MYT1L: variants seen among roughly 807,000 people sequenced by gnomAD.
The protein encoded by MYT1L is myelin transcription factor 1-like protein.
Under a neutral mutation model 126.7 loss-of-function variants are expected in MYT1L, and 12 were observed. That is an observed-to-expected ratio of 0.09 (90% CI 0.06 to 0.15). The LOEUF is 0.15. Ranked by LOEUF, MYT1L falls within the 10% of genes least tolerant of loss-of-function variation. The pLI is 1.00. For missense variants in MYT1L, 979 were observed against 1,585.2 expected (o/e 0.62, Z 6.49); for synonymous variants, 541 against 604.2 (o/e 0.90, Z 1.53).
chr2:1,818,425 T>G (rs1368527282), intron 21 of MYT1L, among the ~76,000 whole-genome samples: 1 of 152,242 alleles, frequency 6.6e-6, no homozygotes, highest in Admixed American at 6.5e-5. Context: ...TTATTTATTT[T>G]ACTATTCCCT....
chr2:1,912,130 G>C lies in MYT1L; in HGVS notation c.1619-20C>G, dbSNP rs2052099684. 6.5e-7 allele frequency: 1 copy of C among 1,541,362 alleles called. No homozygotes were observed. Among genetic ancestry groups the C allele is most frequent in the Non-Finnish European group, 8.9e-7 (1 of 1,127,308 alleles). On this transcript the variant is annotated intron_variant, in intron 11 of 24. Transcript: ENST00000647738. The surrounding 1 kb of genome is among the most constrained non-coding windows in gnomAD (Gnocchi z 4.3). ...CAAGGACTTGACAGGGAGAGGCAAA[G>C]AGAACAGCCAGTGTTAAAACAGAGG... is the stretch of plus-strand genomic sequence containing the variant.
intron 2 of MYT1L, among the ~76,000 whole-genome samples, chr2:2,240,777 C>T (rs886286327): frequency 3.3e-5 from 5 of 152,348 alleles, no homozygotes; most frequent in Admixed American, 6.5e-5. Context: ...TCCCCGCCAG[C>T]CCCGCGTGCC....
intron 1 of MYT1L, chr2:2,319,452 C>T (rs930935179): frequency 2.0e-5 from 3 of 152,126 alleles, no homozygotes; most frequent in Non-Finnish European, 4.4e-5. Flanking sequence ...ACTTAGAAAC[C>T]ATGATGGATG....
At chr2:2,111,734 T>C (rs1451873438) in intron 3 of MYT1L, among the ~76,000 whole-genome samples, 1 of 152,204 alleles carries the variant, frequency 6.6e-6, no homozygotes, top group Non-Finnish European at 1.5e-5. Context: ...TGTGTGTGAA[T>C]ATTTTCTCTT....
intron 3 of MYT1L, among the ~76,000 whole-genome samples, chr2:2,153,561 G>A (rs2086189533): frequency 6.6e-6 from 1 of 152,194 alleles, no homozygotes; most frequent in African/African-American, 2.4e-5. Context: ...GGGTGGGCTG[G>A]AAAGTGAGGA....
At chr2:1,792,831 T>C (rs1265636531) in intron 23 of MYT1L, among the ~76,000 whole-genome samples, 3 of 124,982 alleles carry the variant, frequency 2.4e-5, no homozygotes, top group Non-Finnish European at 1.6e-5. Context: ...GATCACACCA[T>C]TGCACTCCAG....
chr2:2,217,705 AC>A (rs371327096), intron 2 of MYT1L, among the ~76,000 whole-genome samples: 1,567 of 119,362 alleles, frequency 0.013, 64 homozygotes, highest in African/African-American at 0.041. Flanking sequence ...AACAACAACA[AC>A]AAAAAAAAAA....
chr2:2,301,191 G>A (rs1266313436), intron 1 of MYT1L, among the ~76,000 whole-genome samples: 1 of 152,120 alleles, frequency 6.6e-6, no homozygotes, highest in East Asian at 1.9e-4. Context: ...GTGCAGCTCA[G>A]TGTTTCACCC....
rs1255410533 is a variant in MYT1L, at chr2:2,062,208, C to A, written c.-303-8085G>T. On this transcript the variant is annotated intron_variant, in intron 3 of 24. Transcript: ENST00000647738. ...TATGAAGAGACTATTGCCAGATGAACCACACATTAATACTATGTTTCTTAT... is the reference window on the plus strand; with the variant it reads ...TATGAAGAGACTATTGCCAGATGAAACACACATTAATACTATGTTTCTTAT... Among the ~76,000 whole-genome samples, 7 of 152,330 alleles carry A rather than the reference C, an allele frequency of 4.6e-5. No homozygotes were observed. The East Asian group carries it at 1.4e-3, about 29-fold the overall frequency.
intron 3 of MYT1L, among the ~76,000 whole-genome samples, chr2:2,091,672 C>A (rs976310872): frequency 6.6e-6 from 1 of 152,078 alleles, no homozygotes; most frequent in Non-Finnish European, 1.5e-5. Flanking sequence ...TTATATTCTT[C>A]CAATATAAGG....
chr2:2,181,060 G>A (rs905185841), intron 2 of MYT1L, among the ~76,000 whole-genome samples: 3 of 151,510 alleles, frequency 2.0e-5, no homozygotes, highest in African/African-American at 4.9e-5. Flanking sequence ...ACCTGTAACC[G>A]TACCTGTGTG....
chr2:2,113,870 A>C lies in MYT1L; in HGVS notation c.-304+59002T>G, dbSNP rs547854985. On this transcript the variant is annotated intron_variant, in intron 3 of 24. Coordinates refer to ENST00000647738, the MANE Select transcript of MYT1L (RefSeq NM_001303052.2). ...ACTGCCTCCATTACACAGATAGGAA[A>C]ATAGTTATGAAAACATTACTGCCTC... 2.5e-3 allele frequency among the ~76,000 whole-genome samples: 386 copies of C among 152,114 alleles called. 1 individual carries two copies. Among genetic ancestry groups the C allele is most frequent in the Non-Finnish European group, 3.9e-3 (262 of 67,952 alleles).
rs73182884 is a variant in MYT1L at position 1,805,372 on chromosome 2, G to A, written c.3173-3573C>T. On this transcript the variant is annotated intron_variant, in intron 22 of 24. Coordinates refer to ENST00000647738, the MANE Select transcript of MYT1L (RefSeq NM_001303052.2). ...CTTCTCTGTCCCACACAGTGTCTGG[G>A]CCTCACATGGAGGGAAGCTGCTGCG... Among the ~76,000 whole-genome samples, 1,418 of 152,296 alleles carry A rather than the reference G, an allele frequency of 9.3e-3. 26 individuals carry two copies. Among genetic ancestry groups the A allele is most frequent in the African/African-American group, 0.032 (1,344 of 41,546 alleles).
At chr2:2,071,513 C>T (rs1423785726) in intron 3 of MYT1L, among the ~76,000 whole-genome samples, 1 of 152,164 alleles carries the variant, frequency 6.6e-6, no homozygotes, top group Non-Finnish European at 1.5e-5. Context: ...CAGAAAAGCT[C>T]AGGACGCCAT....
chr2:2,126,450 G>A (rs867753894), intron 3 of MYT1L, among the ~76,000 whole-genome samples: 12 of 152,154 alleles, frequency 7.9e-5, no homozygotes, highest in Admixed American at 4.6e-4. Context: ...ATAGCCATGG[G>A]GTCTGGGGCC....
chr2:2,143,911 C>G (rs2084440499), intron 3 of MYT1L, among the ~76,000 whole-genome samples: 1 of 137,552 alleles, frequency 7.3e-6, no homozygotes, highest in Non-Finnish European at 1.5e-5. Context: ...AATGAAACAC[C>G]GGATACTCGT....
rs548047648 is a variant in MYT1L at position 1,979,468 on chromosome 2, C to A, written c.89+53G>T. 3.9e-6 allele frequency: 6 copies of A among 1,548,260 alleles called. No individual in the cohort carries two copies. The highest frequency in any genetic ancestry group is 5.4e-6 in the Non-Finnish European group (6 of 1,120,250). On this transcript the variant is annotated intron_variant, in intron 7 of 24. Coordinates refer to ENST00000647738, the MANE Select transcript of MYT1L (RefSeq NM_001303052.2). This position sits in a 1 kb window ranked among gnomAD's most constrained non-coding sequence, Gnocchi z 4.0. Reference sequence around the variant, plus strand: ...AAGGTGCAGTGTGCCCATTAGAAGGCGTGAATTTTCCAAACTGTTAATGGG... The same window carrying A: ...AAGGTGCAGTGTGCCCATTAGAAGGAGTGAATTTTCCAAACTGTTAATGGG...
In MYT1L at chr2:1,934,305, T is replaced by TAC. The variant is rs1379884515; in HGVS notation, c.505+8676_505+8677insGT. On this transcript the variant is annotated intron_variant, in intron 9 of 24. Coordinates refer to ENST00000647738, the MANE Select transcript of MYT1L (RefSeq NM_001303052.2). ...GATTTTTATAACATATATATATATA[T>TAC]ATACAACCTCATATATGTAATTTAT... 3.7e-5 allele frequency among the ~76,000 whole-genome samples: 5 copies of TAC among 133,470 alleles called. 1 individual carries two copies. Among genetic ancestry groups the TAC allele is most frequent in the Admixed American group, 1.5e-4 (2 of 13,628 alleles). The allele number at this position is 133,470 out of a possible 152,430, so 87.6% of individuals were successfully genotyped here.
intron 23 of MYT1L, among the ~76,000 whole-genome samples, chr2:1,792,871 C>CAAAAAAAA (rs55682787): frequency 0.036 from 2,747 of 76,242 alleles, 271 homozygotes; most frequent in East Asian, 0.078. Flanking sequence ...TTCCGTCTCA[C>CAAAAAAAA]AAAAAAAAAA....
Sources: allele counts gnomAD v4.1 joint callset (sites outside exome capture counted in the v4.1 genomes callset), GRCh38; gene constraint gnomAD v4.1.1; non-coding constraint Gnocchi (gnomAD v3.1); transcripts MANE v1.5; gene names NCBI Gene and HGNC (gene_info 2026-07-23, HGNC 2026-07-21).